The following DAB1 variants were observed in gnomAD, a reference collection of about 807,000 sequenced individuals.
The protein encoded by DAB1 is disabled homolog 1.
In DAB1, 15 loss-of-function variants were observed where a neutral mutation model predicts 64.6. That is an observed-to-expected ratio of 0.23 (90% CI 0.16 to 0.36). The LOEUF is 0.36. DAB1 is among the 10% of genes least tolerant of loss of function. DAB1 has a pLI of 1.00. For synonymous variants in DAB1, 235 were observed against 251.9 expected (o/e 0.93, Z 0.64); for missense variants, 596 against 706.7 (o/e 0.84, Z 1.78).
At chr1:57,059,442 CT>C (rs1207859968) in intron 9 of DAB1, among the ~76,000 whole-genome samples, 4 of 152,116 alleles carry the variant, frequency 2.6e-5, no homozygotes, top group African/African-American at 9.7e-5. Flanking sequence ...AGTCTTACGA[CT>C]TTCTGGAAGC....
chr1:57,192,614 A>G (rs1385793395), intron 2 of DAB1, among the ~76,000 whole-genome samples: 1 of 152,134 alleles, frequency 6.6e-6, no homozygotes, highest in Non-Finnish European at 1.5e-5. Flanking sequence ...TTTCTTTCTT[A>G]TTATAGTACT....
At chr1:57,527,180 A>C (rs1374043853) in intron 7 of DAB1, among the ~76,000 whole-genome samples, 2 of 152,130 alleles carry the variant, frequency 1.3e-5, no homozygotes, top group Non-Finnish European at 2.9e-5. Context: ...CCACTATTAT[A>C]ATCCTTGAAA....
At chr1:57,592,624 G>A (rs1645458466) in intron 7 of DAB1, among the ~76,000 whole-genome samples, 1 of 151,780 alleles carries the variant, frequency 6.6e-6, no homozygotes, top group South Asian at 2.1e-4. Flanking sequence ...AAAATTTTCT[G>A]TCTGTAGTAG....
intron 4 of DAB1, among the ~76,000 whole-genome samples, chr1:58,190,717 T>C (rs74074991): frequency 0.19 from 28,622 of 152,202 alleles, 2,893 homozygotes; most frequent in East Asian, 0.37. Context: ...TGTCATGTCT[T>C]TGAGGCAGAA....
intron 4 of DAB1, among the ~76,000 whole-genome samples, chr1:58,204,604 T>C (rs1377373791): frequency 6.6e-6 from 1 of 152,038 alleles, no homozygotes; most frequent in Non-Finnish European, 1.5e-5. Flanking sequence ...CAGGAGAGAA[T>C]CAATAAAGTT....
At chr1:57,342,226 C>T (rs906790065) in intron 1 of DAB1, among the ~76,000 whole-genome samples, 7 of 152,144 alleles carry the variant, frequency 4.6e-5, no homozygotes, top group African/African-American at 1.7e-4. Context: ...CTGGCTGATC[C>T]CTATGTATCC....
At position 57,012,960 on chromosome 1, in the gene DAB1, T is replaced by G. The variant is rs141590469; in HGVS notation, c.1445-1688A>C. Reference sequence around the variant, plus strand: ...AGGCTTTATAGGATGCTGCTAATACTCTAAAGCAGTGGTTCTCAGTCTGGG... The same window carrying G: ...AGGCTTTATAGGATGCTGCTAATACGCTAAAGCAGTGGTTCTCAGTCTGGG... On this transcript the variant is annotated intron_variant, in intron 12 of 14. Coordinates refer to ENST00000371236, the MANE Select transcript of DAB1 (RefSeq NM_001365792.1). 5.9e-5 allele frequency among the ~76,000 whole-genome samples: 9 copies of G among 152,340 alleles called. 1 individual carries two copies. Among genetic ancestry groups the G allele is most frequent in the Middle Eastern group, 3.4e-3 (1 of 294 alleles).
chr1:57,698,215 T>C (rs550634346), intron 6 of DAB1, among the ~76,000 whole-genome samples: 4 of 151,930 alleles, frequency 2.6e-5, no homozygotes, highest in African/African-American at 9.7e-5. Flanking sequence ...CCCTCTCAAG[T>C]AGCTGGGACT....
intron 2 of DAB1, among the ~76,000 whole-genome samples, chr1:57,148,934 C>G (rs912906382): frequency 6.6e-6 from 1 of 152,134 alleles, no homozygotes; most frequent in Non-Finnish European, 1.5e-5. Flanking sequence ...ATAACCATCA[C>G]CACTATCTAA....
chr1:57,324,001 A>G (rs930834227), intron 1 of DAB1, among the ~76,000 whole-genome samples: 2 of 152,190 alleles, frequency 1.3e-5, no homozygotes, highest in African/African-American at 4.8e-5. Context: ...CATGGAGGAG[A>G]AAAAAGTTAC....
chr1:57,757,198 A>ATTTT (rs375166170), intron 6 of DAB1, among the ~76,000 whole-genome samples: 2 of 90,088 alleles, frequency 2.2e-5, no homozygotes, highest in African/African-American at 6.1e-5. Flanking sequence ...CAGGGGCAGA[A>ATTTT]TTTTTTTTTT....
At chr1:57,929,332 A>G (rs1644923239) in intron 5 of DAB1, among the ~76,000 whole-genome samples, 1 of 152,192 alleles carries the variant, frequency 6.6e-6, no homozygotes, top group South Asian at 2.1e-4. Flanking sequence ...TGGATAACAA[A>G]TGTGTTTCAA....
At chr1:57,190,719 AC>A (rs1242633110) in intron 2 of DAB1, among the ~76,000 whole-genome samples, 3 of 152,050 alleles carry the variant, frequency 2.0e-5, no homozygotes, top group African/African-American at 7.2e-5. Context: ...CCCCCGCACC[AC>A]CACCACCACT....
At chr1:57,922,081 C>T (rs1481933119) in intron 5 of DAB1, among the ~76,000 whole-genome samples, 1 of 152,178 alleles carries the variant, frequency 6.6e-6, no homozygotes, top group Non-Finnish European at 1.5e-5. Context: ...AAATAGCACC[C>T]CATTTCTCTT....
intron 4 of DAB1, among the ~76,000 whole-genome samples, chr1:58,322,483 G>T (rs1307725992): frequency 1.3e-5 from 2 of 152,180 alleles, no homozygotes; most frequent in Non-Finnish European, 2.9e-5. Context: ...ACAGACACAT[G>T]AAAAAATGCT....
At chr1:57,536,972 G>A (rs892956427) in intron 7 of DAB1, among the ~76,000 whole-genome samples, 3 of 152,174 alleles carry the variant, frequency 2.0e-5, no homozygotes, top group African/African-American at 7.2e-5. Context: ...TGGCAAGTGG[G>A]TAGTGTGGTC....
chr1:57,452,864 G>A lies in DAB1; in HGVS notation n.626-161698C>T, dbSNP rs142408084. Among the ~76,000 whole-genome samples, 137 of 151,944 alleles carry A rather than the reference G, an allele frequency of 9.0e-4. 1 individual carries two copies. The East Asian group carries it at 0.025, about 27-fold the overall frequency. Reference sequence around the variant, plus strand: ...ATGTGGGAAGAAGGAAGAAAAGGAGGAAGGAAAGAAGAGAGAAAGAGGGAG... The same window carrying A: ...ATGTGGGAAGAAGGAAGAAAAGGAGAAAGGAAAGAAGAGAGAAAGAGGGAG... On this transcript the variant is annotated intron_variant and non_coding_transcript_variant, in intron 7 of 20. Transcript: ENST00000485760.
chr1:57,044,862 A>G (rs1042545548), intron 9 of DAB1, among the ~76,000 whole-genome samples: 1 of 152,220 alleles, frequency 6.6e-6, no homozygotes, highest in African/African-American at 2.4e-5. Context: ...AGAGGTCACT[A>G]AGGACAATAA....
chr1:58,422,932 A>G (rs763696196), intron 3 of DAB1, among the ~76,000 whole-genome samples: 20 of 152,220 alleles, frequency 1.3e-4, no homozygotes, highest in Non-Finnish European at 2.4e-4. Context: ...CAAACTCCAA[A>G]GACAGCTAGA....
Sources: gnomAD v4.1 joint callset for allele counts (sites outside exome capture counted in the v4.1 genomes callset) on GRCh38, gnomAD v4.1.1 for gene constraint, MANE v1.5 for transcripts, NCBI Gene and HGNC (gene_info 2026-07-23, HGNC 2026-07-21) for gene names.